PCDHGA1: variants seen among roughly 807,000 people sequenced by gnomAD.
The protein encoded by PCDHGA1 is protocadherin gamma subfamily A, 1, also known as protocadherin gamma-A1.
Under a neutral mutation model 58.0 loss-of-function variants are expected in PCDHGA1, and 32 were observed. The ratio of observed to expected loss-of-function variants is 0.55; its 90% CI spans 0.42 to 0.74. The LOEUF (loss-of-function observed/expected upper bound fraction) is 0.74. PCDHGA1 is among the 30% of genes least tolerant of loss of function. The probability of loss-of-function intolerance (pLI) is 0.00; values close to 1 mark genes in which losing one functional copy is unlikely to be tolerated. For missense variants in PCDHGA1, 1,205 were observed against 1,182.3 expected (o/e 1.02, Z -0.28); for synonymous variants, 498 against 501.1 (o/e 0.99, Z 0.08).
chr5:141,350,064 A>G, intron 1 of PCDHGA1: 1 of 414,630 alleles, frequency 2.4e-6, no homozygotes, highest in Non-Finnish European at 4.2e-6. Flanking sequence ...AAGGAAGTGA[A>G]GGCTTCTCAA....
intron 1 of PCDHGA1, among the ~76,000 whole-genome samples, chr5:141,484,288 C>T (rs1300726429): frequency 6.6e-6 from 1 of 152,176 alleles, no homozygotes; most frequent in African/African-American, 2.4e-5. Context: ...AAACATCTCC[C>T]TCTCCTGGCT....
At position 141,351,935 on chromosome 5, in the gene PCDHGA1, C is replaced by T. The variant is rs766333279; in HGVS notation, c.2421+18830C>T. 6 of 1,613,256 alleles carry T rather than the reference C, an allele frequency of 3.7e-6. 1 individual carries two copies. The South Asian group carries it at 5.5e-5, about 15-fold the overall frequency. ...CCTCAATGACAATGCGCCACGGGTG[C>T]TGTACCCCGCGCTGGGGCCTGATGG... On this transcript the variant is annotated intron_variant, in intron 1 of 3. Coordinates refer to ENST00000517417, the MANE Select transcript of PCDHGA1 (RefSeq NM_018912.3).
At chr5:141,366,523 G>A (rs755773964) in intron 1 of PCDHGA1, 18 of 1,614,152 alleles carry the variant, frequency 1.1e-5, no homozygotes, top group Middle Eastern at 1.6e-4. Flanking sequence ...AAGGCAGCAG[G>A]TTGGCGGGTG....
At chr5:141,419,617 C>G (rs780077182) in intron 1 of PCDHGA1, 1 of 1,612,280 alleles carries the variant, frequency 6.2e-7, no homozygotes. Flanking sequence ...AGCCAGGCTA[C>G]CTGGTGACCA....
At chr5:141,412,814 C>CAT (rs1339609844) in intron 1 of PCDHGA1, among the ~76,000 whole-genome samples, 1 of 152,180 alleles carries the variant, frequency 6.6e-6, no homozygotes, top group Non-Finnish European at 1.5e-5. Context: ...AAGAAACCTA[C>CAT]ATATAGTAAA....
intron 1 of PCDHGA1, among the ~76,000 whole-genome samples, chr5:141,337,794 A>G (rs959278067): frequency 1.3e-5 from 2 of 152,266 alleles, no homozygotes; most frequent in Non-Finnish European, 2.9e-5. Flanking sequence ...AACAAGAGTA[A>G]GAAGACATCC....
chr5:141,339,304 G>C (rs752950365), intron 1 of PCDHGA1: 3 of 1,614,228 alleles, frequency 1.9e-6, no homozygotes, highest in South Asian at 2.2e-5. Context: ...TTCTGCTGGA[G>C]GATAAATTGA....
At chr5:141,390,051 A>G in intron 1 of PCDHGA1, 1 of 1,613,978 alleles carries the variant, frequency 6.2e-7, no homozygotes, top group Non-Finnish European at 8.5e-7. Context: ...CGCCTCCTGG[A>G]GCTGCTTCCA....
chr5:141,400,571 C>T (rs781701893), intron 1 of PCDHGA1: 1 of 1,612,704 alleles, frequency 6.2e-7, no homozygotes, highest in South Asian at 1.1e-5. Context: ...ACCCAATTTT[C>T]TGTATTTACA....
At chr5:141,348,113 G>T (rs1177514641) in intron 1 of PCDHGA1, among the ~76,000 whole-genome samples, 1 of 152,172 alleles carries the variant, frequency 6.6e-6, no homozygotes, top group Non-Finnish European at 1.5e-5. Flanking sequence ...TGCAATTTAT[G>T]AAATTATTTT....
intron 1 of PCDHGA1, chr5:141,402,911 C>T: frequency 1.3e-6 from 2 of 1,551,976 alleles, no homozygotes; most frequent in South Asian, 1.2e-5. Context: ...TGAAGCAGCG[C>T]GCACAGAGAT....
intron 1 of PCDHGA1, chr5:141,396,121 G>T: frequency 6.6e-6 from 1 of 152,188 alleles, no homozygotes. Context: ...AATGTTTCAG[G>T]TACACAAGTT....
intron 1 of PCDHGA1, chr5:141,356,521 C>T: frequency 1.2e-6 from 2 of 1,613,646 alleles, no homozygotes; most frequent in Non-Finnish European, 1.7e-6. Context: ...TATTTCACTG[C>T]AAGTGATGGA....
chr5:141,393,460 A>ATGGC (rs754334472), intron 1 of PCDHGA1: 1 of 1,614,052 alleles, frequency 6.2e-7, no homozygotes, highest in South Asian at 1.1e-5. Flanking sequence ...ACGGCCTCGG[A>ATGGC]TGGCGGCAAG....
chr5:141,355,386 CGG>C (rs1561508690), intron 1 of PCDHGA1: 1 of 1,614,032 alleles, frequency 6.2e-7, no homozygotes, highest in East Asian at 2.2e-5. Flanking sequence ...TGGCGGAGCG[CGG>C]AGTCCGCATC....
At chr5:141,364,915 G>T (rs1763616813) in intron 1 of PCDHGA1, 1 of 1,613,946 alleles carries the variant, frequency 6.2e-7, no homozygotes, top group East Asian at 2.2e-5. Flanking sequence ...CGGAGCTGGT[G>T]TTGGAACAGC....
At chr5:141,369,149 A>T (rs955742773) in intron 1 of PCDHGA1, among the ~76,000 whole-genome samples, 2 of 152,224 alleles carry the variant, frequency 1.3e-5, no homozygotes, top group African/African-American at 4.8e-5. Flanking sequence ...ATGGCATGTT[A>T]TTGACCAGGG....
chr5:141,394,891 TCGTGGTGGCAGTGG>T (rs1346277751), intron 1 of PCDHGA1: 11 of 1,613,892 alleles, frequency 6.8e-6, no homozygotes, highest in Non-Finnish European at 9.3e-6. Flanking sequence ...ACACTCTATC[TCGTGGTGGCAGTGG>T]CTGCCATCTC....
In PCDHGA1 at chr5:141,406,055, T is replaced by C. The variant is rs2094752189; in HGVS notation, c.2421+72950T>C. 5.3e-5 allele frequency among the ~76,000 whole-genome samples: 8 copies of C among 150,380 alleles called. No individual in the cohort carries two copies. In the South Asian group the frequency reaches 1.5e-3, roughly 28 times the overall value. On this transcript the variant is annotated intron_variant, in intron 1 of 3. Transcript: ENST00000517417. ...CTTCATTGGTTGCAGTGGACTCATA[T>C]CATAAAATTCTTACTCCTTTTTTTT...
Sources: gnomAD v4.1 joint callset for allele counts (sites outside exome capture counted in the v4.1 genomes callset) on GRCh38, gnomAD v4.1.1 for gene constraint, MANE v1.5 for transcripts, NCBI Gene and HGNC (gene_info 2026-07-23, HGNC 2026-07-21) for gene names.